Variants in AHCY observed in about 807,000 individuals in gnomAD.
AHCY encodes S-adenosyl-L-homocysteine hydrolase.
AHCY carries 24 observed loss-of-function variants against 45.4 expected under a neutral mutation model. The ratio of observed to expected loss-of-function variants is 0.53; its 90% CI spans 0.38 to 0.74. AHCY has a LOEUF of 0.74. Ranked by LOEUF, AHCY falls within the 30% of genes least tolerant of loss-of-function variation. AHCY has a pLI of 0.00. For missense variants in AHCY, 449 were observed against 594.1 expected, an observed-to-expected ratio of 0.76 and a Z score of 2.54; for synonymous variants, 245 against 235.1, an observed-to-expected ratio of 1.04 and a Z score of -0.39.
intron 3 of AHCY, chr20:34,293,335 G>T (rs1338581783): frequency 6.3e-6 from 1 of 157,864 alleles, no homozygotes; most frequent in Non-Finnish European, 1.4e-5. Context: ...GTGAGCAAAG[G>T]ACGCTGGCCA....
At chr20:34,234,674 C>T in the AHCY span, among the ~76,000 whole-genome samples, 5 of 151,908 alleles carry the variant, frequency 3.3e-5, no homozygotes, top group South Asian at 2.1e-4. Flanking sequence ...TGGTGGCAGG[C>T]GCCTATAATC....
At chr20:34,241,488 A>G in the AHCY span, 1 of 985,494 alleles carries the variant, frequency 1.0e-6, no homozygotes, top group South Asian at 4.7e-5. Flanking sequence ...GCGGGAAAGC[A>G]TGTGAGTTTA....
At chr20:34,263,630 T>C in the AHCY span, among the ~76,000 whole-genome samples, 1 of 151,904 alleles carries the variant, frequency 6.6e-6, no homozygotes, top group Non-Finnish European at 1.5e-5. Context: ...TTTGAACTCA[T>C]GGGTCCACTT....
intron 9 of AHCY, among the ~76,000 whole-genome samples, chr20:34,284,800 G>A (rs150596530): frequency 6.6e-6 from 1 of 152,266 alleles, no homozygotes; most frequent in East Asian, 1.9e-4. Flanking sequence ...TCTAGCCTGG[G>A]CAACAGAGTG....
At chr20:34,261,578 G>A in the AHCY span, among the ~76,000 whole-genome samples, 2 of 152,124 alleles carry the variant, frequency 1.3e-5, no homozygotes, top group South Asian at 2.1e-4. Context: ...AGCCTACAAT[G>A]AGCCATGATT....
chr20:34,295,664 G>C, intron 1 of AHCY, 79 bp from the exon 2 acceptor site: 2 of 1,443,276 alleles, frequency 1.4e-6, no homozygotes, highest in South Asian at 2.4e-5. Flanking sequence ...CATGGACCCC[G>C]ATCCACGTGT....
At chr20:34,246,367 C>T in the AHCY span, 2 of 1,468,824 alleles carry the variant, frequency 1.4e-6, no homozygotes, top group East Asian at 4.9e-5. Context: ...TTAGAAAATT[C>T]TTCTCTAACC....
intron 3 of AHCY, 136 bp downstream of exon 3, chr20:34,293,945 G>T: frequency 1.1e-6 from 1 of 872,666 alleles, no homozygotes; most frequent in Non-Finnish European, 1.9e-6. Context: ...CTGTGGGGTC[G>T]CTGGGCTAGG....
chr20:34,290,684 CT>C lies in AHCY; in HGVS notation c.766+46del, dbSNP rs2036349602. The C allele has an allele frequency of 6.2e-7, 1 of 1,613,908 alleles. No homozygotes were observed. On this transcript the variant is annotated intron_variant, in intron 6 of 9. Coordinates refer to ENST00000217426, the MANE Select transcript of AHCY (RefSeq NM_000687.4). The surrounding 1 kb of genome is among the most constrained non-coding windows in gnomAD (Gnocchi z 4.5). Reference sequence around the variant, plus strand: ...TGGGTCATCTACGGTGGCCTTGCCCCTCCCTCTGGCCCCAGTGGCTGACAAC... The same window carrying C: ...TGGGTCATCTACGGTGGCCTTGCCCCCCCTCTGGCCCCAGTGGCTGACAAC...
chr20:34,246,152 A>T, the AHCY span: 2 of 1,009,070 alleles, frequency 2.0e-6, no homozygotes, highest in Non-Finnish European at 3.0e-6. Context: ...AAGGCCACAC[A>T]CTCTTGTCAC....
the AHCY span, among the ~76,000 whole-genome samples, chr20:34,257,569 A>G: frequency 6.6e-6 from 1 of 152,194 alleles, no homozygotes; most frequent in Non-Finnish European, 1.5e-5. Context: ...TAACTAAAAT[A>G]TTATCTAGTT....
Position 34,298,612 on chromosome 20 carries a change from G to C in AHCY, c.29-3027C>G, listed in dbSNP as rs992930662. Among the ~76,000 whole-genome samples, 115 of 149,408 alleles carry C rather than the reference G, an allele frequency of 7.7e-4. 6 individuals are homozygous for C. Among genetic ancestry groups the C allele is most frequent in the Middle Eastern group, 6.8e-3 (2 of 294 alleles). ...ACTGGGAAGTGGCGGCGGCGGGAGG[G>C]GGGGGGGTGTCTCCCTTTCCCCAGG... On this transcript the variant is annotated intron_variant, in intron 1 of 9. Transcript: ENST00000217426.
intron 8 of AHCY, among the ~76,000 whole-genome samples, chr20:34,287,536 A>G (rs1478010254): frequency 1.3e-5 from 2 of 151,882 alleles, no homozygotes; most frequent in Admixed American, 1.3e-4. Context: ...GACTATACGC[A>G]TGAGCCACCA....
the AHCY span, chr20:34,246,368 T>C: frequency 6.8e-7 from 1 of 1,473,028 alleles, no homozygotes; most frequent in African/African-American, 1.4e-5. Context: ...TAGAAAATTC[T>C]TCTCTAACCA....
the AHCY span, among the ~76,000 whole-genome samples, chr20:34,236,807 A>C: frequency 3.3e-5 from 5 of 152,320 alleles, no homozygotes; most frequent in Admixed American, 3.3e-4. Flanking sequence ...TGCCTGGGAA[A>C]ATCTTCTTGA....
At chr20:34,306,220 A>C (rs1213139300), upstream of AHCY, among the ~76,000 whole-genome samples, 1 of 152,182 alleles carries the variant, frequency 6.6e-6, no homozygotes, top group Non-Finnish European at 1.5e-5. Context: ...TGTACCGTTA[A>C]GTTCATATGA....
intron 5 of AHCY, 87 bp downstream of exon 5, chr20:34,291,332 T>C (rs2122763141): frequency 7.9e-7 from 1 of 1,261,760 alleles, no homozygotes; most frequent in Non-Finnish European, 1.2e-6. Context: ...ATGTCCCTAA[T>C]CTCAGCCTTC....
At chr20:34,279,439 C>T (rs1478151131), downstream of AHCY, among the ~76,000 whole-genome samples, 2 of 150,576 alleles carry the variant, frequency 1.3e-5, no homozygotes, top group African/African-American at 4.9e-5. Context: ...AAAAAAACAA[C>T]AACTCTAAAA....
intron 9 of AHCY, among the ~76,000 whole-genome samples, chr20:34,281,403 A>G (rs891003049): frequency 1.3e-5 from 2 of 152,198 alleles, no homozygotes; most frequent in South Asian, 2.1e-4. Flanking sequence ...AGGACCATCA[A>G]TCACATCTCC....
Sources: allele counts gnomAD v4.1 joint callset (sites outside exome capture counted in the v4.1 genomes callset), GRCh38; gene constraint gnomAD v4.1.1; non-coding constraint Gnocchi (gnomAD v3.1); transcripts MANE v1.5; gene names NCBI Gene and HGNC (gene_info 2026-07-23, HGNC 2026-07-21).